ZNF736: variants seen among roughly 807,000 people sequenced by gnomAD.
The protein encoded by ZNF736 is zinc finger protein 736, also known as KRAB-containing zinc-finger repressor protein.
Under a neutral mutation model 11.7 loss-of-function variants are expected in ZNF736, and 6 were observed. The observed-to-expected ratio is 0.51, with a 90% CI of 0.28 to 1.01. The LOEUF (loss-of-function observed/expected upper bound fraction) is 1.01, where lower values mean the gene tolerates loss of function less well. Among genes scored for constraint, ZNF736 ranks in the 50% least tolerant of loss-of-function variants. The pLI is 0.09. For synonymous variants in ZNF736, 139 were observed against 164.7 expected (o/e 0.84, Z 1.19); for missense variants, 444 against 496.0 (o/e 0.90, Z 1.00).
intron 3 of ZNF736, among the ~76,000 whole-genome samples, chr7:64,339,477 G>A (rs1427406456): frequency 1.3e-5 from 2 of 152,006 alleles, no homozygotes; most frequent in African/African-American, 4.8e-5. Flanking sequence ...AAGAAAAGTG[G>A]TCTAATTTTA....
intron 1 of ZNF736, among the ~76,000 whole-genome samples, chr7:64,328,170 A>T (rs1260058016): frequency 6.6e-6 from 1 of 151,428 alleles, no homozygotes; most frequent in East Asian, 1.9e-4. Context: ...ATTCATTTAG[A>T]TTGAAGAACT....
chr7:64,330,186 T>C (rs1789142455), intron 1 of ZNF736, among the ~76,000 whole-genome samples: 1 of 152,050 alleles, frequency 6.6e-6, no homozygotes, highest in African/African-American at 2.4e-5. Flanking sequence ...AGACGGAGTC[T>C]CGCTCTGTAG....
chr7:64,336,163 T>C, intron 1 of ZNF736, 96 bp from the exon 2 acceptor site: 1 of 1,405,486 alleles, frequency 7.1e-7, no homozygotes, highest in South Asian at 1.3e-5. Context: ...CAGTAACTCA[T>C]ATAAGTCAGA....
At chr7:64,324,437 T>G (rs796190467) in intron 1 of ZNF736, among the ~76,000 whole-genome samples, 72 of 152,248 alleles carry the variant, frequency 4.7e-4, no homozygotes, top group African/African-American at 1.7e-3. Context: ...TGATGCCATG[T>G]TTCTCCCAGG....
chr7:64,340,167 T>C (rs1319391330), intron 3 of ZNF736, among the ~76,000 whole-genome samples: 2 of 152,240 alleles, frequency 1.3e-5, no homozygotes, highest in Admixed American at 6.5e-5. Flanking sequence ...TTACTGAGTA[T>C]GTGGCAAGAT....
At chr7:64,321,019 G>T (rs1174677063) in intron 1 of ZNF736, among the ~76,000 whole-genome samples, 5 of 152,170 alleles carry the variant, frequency 3.3e-5, no homozygotes, top group Admixed American at 3.3e-4. Flanking sequence ...TGGTTTTGAT[G>T]ATCAGTTTTC....
intron 1 of ZNF736, among the ~76,000 whole-genome samples, chr7:64,327,458 TTTTGTTTG>T (rs932277682): frequency 6.6e-6 from 1 of 152,128 alleles, no homozygotes; most frequent in East Asian, 1.9e-4. Context: ...GTCTTGGGTT[TTTTGTTTG>T]TTTGTTTGTT....
intron 1 of ZNF736, among the ~76,000 whole-genome samples, chr7:64,317,222 C>A (rs1429776957): frequency 6.6e-6 from 1 of 152,086 alleles, no homozygotes; most frequent in Non-Finnish European, 1.5e-5. Flanking sequence ...ATAATCGTAG[C>A]CAGTGAATCA....
chr7:64,326,127 CTT>C (rs1159163909), intron 1 of ZNF736, among the ~76,000 whole-genome samples: 2 of 152,058 alleles, frequency 1.3e-5, no homozygotes, highest in Non-Finnish European at 2.9e-5. Context: ...TTTTCTTTCT[CTT>C]GTACCATTTT....
intron 1 of ZNF736, among the ~76,000 whole-genome samples, chr7:64,319,145 C>T (rs1788957420): frequency 6.6e-6 from 1 of 151,424 alleles, no homozygotes; most frequent in East Asian, 1.9e-4. Flanking sequence ...AAAATCATGT[C>T]GGCAAGAGAA....
At chr7:64,315,933 T>A (rs1788910211) in intron 1 of ZNF736, among the ~76,000 whole-genome samples, 1 of 152,214 alleles carries the variant, frequency 6.6e-6, no homozygotes, top group South Asian at 2.1e-4. Flanking sequence ...ATTAGTCTGT[T>A]TGTGCATATT....
At chr7:64,344,765 C>T (rs997393517) in intron 3 of ZNF736, among the ~76,000 whole-genome samples, 9 of 152,044 alleles carry the variant, frequency 5.9e-5, no homozygotes, top group African/African-American at 1.9e-4. Context: ...ACAAATAACT[C>T]ACTTGACCAT....
intron 3 of ZNF736, among the ~76,000 whole-genome samples, chr7:64,339,211 T>C (rs946815973): frequency 5.3e-5 from 8 of 152,252 alleles, no homozygotes; most frequent in Admixed American, 3.9e-4. Flanking sequence ...GAGTTTCTTA[T>C]ATATTTTTGA....
At chr7:64,334,592 C>G (rs911128762) in intron 1 of ZNF736, among the ~76,000 whole-genome samples, 2 of 152,164 alleles carry the variant, frequency 1.3e-5, no homozygotes, top group Middle Eastern at 3.2e-3. Context: ...CAATGAGATA[C>G]TATCTCACAC....
chr7:64,326,638 T>C (rs1264469175), intron 1 of ZNF736, among the ~76,000 whole-genome samples: 3 of 136,052 alleles, frequency 2.2e-5, no homozygotes, highest in African/African-American at 5.6e-5. Flanking sequence ...GTATGATATA[T>C]CAATAGTTTA....
At chr7:64,342,459 A>G (rs987628997) in intron 3 of ZNF736, among the ~76,000 whole-genome samples, 15 of 152,176 alleles carry the variant, frequency 9.9e-5, no homozygotes, top group Non-Finnish European at 2.1e-4. Flanking sequence ...ACTGTGGAAT[A>G]GTTGATTTTA....
At chr7:64,340,153 T>C (rs1789317638) in intron 3 of ZNF736, among the ~76,000 whole-genome samples, 1 of 152,174 alleles carries the variant, frequency 6.6e-6, no homozygotes, top group Non-Finnish European at 1.5e-5. Context: ...CTGATGTGTG[T>C]TTCTTACTGA....
chr7:64,344,989 T>G (rs1284651651), intron 3 of ZNF736, among the ~76,000 whole-genome samples: 2 of 150,180 alleles, frequency 1.3e-5, no homozygotes, highest in Admixed American at 6.6e-5. Flanking sequence ...TTTTTTTTCT[T>G]TTTGGAAAAG....
Position 64,349,174 on chromosome 7 carries a change from C to A in ZNF736, c.*27C>A. ...AATGTGGAAAAGCCTTTACCAAGTC[C>A]TCATACTGTGTTCAACATCTGAAAT... On this transcript the variant is annotated 3_prime_UTR_variant, in exon 4 of 4. Coordinates refer to ENST00000423484, the MANE Select transcript of ZNF736 (RefSeq NM_001170905.3). 6.8e-7 allele frequency: 1 copy of A among 1,464,642 alleles called. No individual in the cohort carries two copies. Among genetic ancestry groups the A allele is most frequent in the Non-Finnish European group, 9.0e-7 (1 of 1,105,222 alleles). 90.7% of individuals were successfully genotyped at this position (1,464,642 alleles called of 1,614,324 possible). A position where few individuals can be genotyped will look rare whatever the true frequency, so the allele number is the denominator to read the frequency against.
Sources: allele counts gnomAD v4.1 joint callset (sites outside exome capture counted in the v4.1 genomes callset), GRCh38; gene constraint gnomAD v4.1.1; transcripts MANE v1.5; gene names NCBI Gene and HGNC (gene_info 2026-07-23, HGNC 2026-07-21).